The following SLIT3 variants were observed in gnomAD, a reference collection of about 807,000 sequenced individuals.
SLIT3 encodes the protein slit homolog 3 protein.
Under a neutral mutation model 184.0 loss-of-function variants are expected in SLIT3, and 68 were observed. The ratio of observed to expected loss-of-function variants is 0.37; its 90% CI spans 0.30 to 0.45. The LOEUF (loss-of-function observed/expected upper bound fraction) is 0.45. Among genes scored for constraint, SLIT3 ranks in the 20% least tolerant of loss-of-function variants. The probability of loss-of-function intolerance (pLI) is 1.00; values close to 1 mark genes in which losing one functional copy is unlikely to be tolerated. For missense variants in SLIT3, 1,707 were observed against 2,026.0 expected, an observed-to-expected ratio of 0.84 and a Z score of 3.02; for synonymous variants, 831 against 828.6, an observed-to-expected ratio of 1.00 and a Z score of -0.05.
At chr5:168,958,802 C>A (rs1350335522) in intron 4 of SLIT3, among the ~76,000 whole-genome samples, 1 of 152,246 alleles carries the variant, frequency 6.6e-6, no homozygotes, top group African/African-American at 2.4e-5. Context: ...TACCGACATT[C>A]TTTTCTCCAA....
At chr5:169,295,600 C>T (rs1001880743) in intron 1 of SLIT3, among the ~76,000 whole-genome samples, 2 of 152,234 alleles carry the variant, frequency 1.3e-5, no homozygotes, top group Non-Finnish European at 2.9e-5. Context: ...AACCCACAGT[C>T]GTCTGTCTCC....
chr5:168,712,036 C>A (rs1440950862), intron 24 of SLIT3, among the ~76,000 whole-genome samples: 1 of 152,150 alleles, frequency 6.6e-6, no homozygotes, highest in South Asian at 2.1e-4. Flanking sequence ...AAAGTGTTTA[C>A]CCCATAGTAC....
At chr5:168,688,191 T>C (rs1395073203) in intron 29 of SLIT3, among the ~76,000 whole-genome samples, 1 of 152,238 alleles carries the variant, frequency 6.6e-6, no homozygotes, top group Non-Finnish European at 1.5e-5. Context: ...CTGGCGCTTC[T>C]GCCTTCTGCA....
At chr5:168,787,070 C>A (rs776560233) in intron 11 of SLIT3, among the ~76,000 whole-genome samples, 1 of 152,162 alleles carries the variant, frequency 6.6e-6, no homozygotes, top group South Asian at 2.1e-4. Flanking sequence ...CTTTTCCAGA[C>A]GCCACTGGGA....
intron 4 of SLIT3, among the ~76,000 whole-genome samples, chr5:169,170,400 C>T (rs372535641): frequency 2.0e-5 from 3 of 152,156 alleles, no homozygotes; most frequent in East Asian, 1.9e-4. Context: ...TCCTGAGGAG[C>T]GAGGAAGAGT....
At chr5:169,281,743 T>C (rs968592336) in intron 1 of SLIT3, among the ~76,000 whole-genome samples, 4 of 152,206 alleles carry the variant, frequency 2.6e-5, no homozygotes, top group Admixed American at 2.6e-4. Context: ...CTCTGCTCCA[T>C]GGACATCTGC....
chr5:168,840,861 A>C (rs2113706615), intron 6 of SLIT3, among the ~76,000 whole-genome samples: 1 of 152,332 alleles, frequency 6.6e-6, no homozygotes, highest in East Asian at 1.9e-4. Context: ...AGTCTATGGC[A>C]ATGGCCACGA....
At chr5:168,691,763 G>A (rs1051458216) in intron 29 of SLIT3, among the ~76,000 whole-genome samples, 2 of 152,232 alleles carry the variant, frequency 1.3e-5, no homozygotes, top group Non-Finnish European at 2.9e-5. Context: ...GCAGCTGGGT[G>A]TAGAAGGCAG....
At chr5:169,120,594 G>T (rs34846302) in intron 4 of SLIT3, among the ~76,000 whole-genome samples, 29,158 of 152,136 alleles carry the variant, frequency 0.19, 3,440 homozygotes, top group Middle Eastern at 0.29. Flanking sequence ...CAGACCTATG[G>T]AACTGTAAGA....
At chr5:168,772,251 G>A (rs1755579424) in intron 14 of SLIT3, 1 of 112,628 alleles carries the variant, frequency 8.9e-6, no homozygotes, top group Non-Finnish European at 1.8e-5. Context: ...GGATGGAGGA[G>A]CTAAGCTAGT....
Position 168,666,466 on chromosome 5 carries a change from G to C in SLIT3, c.4560C>G (p.Leu1520=), listed in dbSNP as rs778200381. ...EVERHLECGC[L]ACS is the part of the protein sequence containing the mutation. Reference sequence around the variant, plus strand: ...GGCGGGCAGGGGCTTAGGAACACGCGAGGCAGCCGCACTCTAAGTGTCTCT... The same window carrying C: ...GGCGGGCAGGGGCTTAGGAACACGCCAGGCAGCCGCACTCTAAGTGTCTCT... Residue 1520 remains leucine, a synonymous_variant, in exon 36 of 36, where the codon CTC becomes CTG. Coordinates refer to ENST00000519560, the MANE Select transcript of SLIT3 (RefSeq NM_003062.4). 10 of 1,573,308 alleles carry C rather than the reference G, an allele frequency of 6.4e-6. No individual in the cohort carries two copies. The highest frequency in any genetic ancestry group is 8.6e-6 in the Non-Finnish European group (10 of 1,156,088).
chr5:169,109,434 G>A (rs926279537), intron 4 of SLIT3, among the ~76,000 whole-genome samples: 9 of 152,202 alleles, frequency 5.9e-5, no homozygotes, highest in Admixed American at 2.0e-4. Flanking sequence ...TGAAAATGCA[G>A]TCCAACCAAC....
At chr5:168,849,977 G>GTT (rs559732773) in intron 5 of SLIT3, among the ~76,000 whole-genome samples, 5 of 150,758 alleles carry the variant, frequency 3.3e-5, no homozygotes, top group African/African-American at 1.2e-4. Flanking sequence ...TTTGAAGGTT[G>GTT]TTTTTTTTTA....
At chr5:169,131,647 C>T (rs1411864318) in intron 4 of SLIT3, among the ~76,000 whole-genome samples, 1 of 152,212 alleles carries the variant, frequency 6.6e-6, no homozygotes, top group Non-Finnish European at 1.5e-5. Flanking sequence ...TTAACACCTA[C>T]TTTTTCAGCT....
intron 4 of SLIT3, among the ~76,000 whole-genome samples, chr5:168,974,341 A>ATTATC (rs758529918): frequency 1.6e-4 from 24 of 152,154 alleles, no homozygotes; most frequent in Non-Finnish European, 2.9e-4. Flanking sequence ...TGTTGACCCC[A>ATTATC]TTATCTTTCC....
At chr5:168,984,448 C>T (rs765770879) in intron 4 of SLIT3, among the ~76,000 whole-genome samples, 9 of 152,178 alleles carry the variant, frequency 5.9e-5, no homozygotes, top group Non-Finnish European at 1.3e-4. Context: ...TGTCAATACC[C>T]TCTCTTTTGG....
At chr5:168,976,246 C>T (rs1754753217) in intron 4 of SLIT3, among the ~76,000 whole-genome samples, 1 of 152,124 alleles carries the variant, frequency 6.6e-6, no homozygotes, top group African/African-American at 2.4e-5. Flanking sequence ...TCCCTGAGTC[C>T]ACTTTCTTGA....
chr5:168,868,767 GAA>G (rs1210835342), intron 5 of SLIT3, among the ~76,000 whole-genome samples: 1 of 92,696 alleles, frequency 1.1e-5, no homozygotes, highest in Non-Finnish European at 2.0e-5. Flanking sequence ...AAAAAAAAAA[GAA>G]AAAGAAAAAG....
intron 4 of SLIT3, among the ~76,000 whole-genome samples, chr5:169,079,203 G>T (rs941003491): frequency 6.6e-6 from 1 of 152,066 alleles, no homozygotes; most frequent in East Asian, 1.9e-4. Context: ...ATGCTTTAAG[G>T]AGCCCCAAGT....
Sources: gnomAD v4.1 joint callset for allele counts (sites outside exome capture counted in the v4.1 genomes callset) on GRCh38, gnomAD v4.1.1 for gene constraint, MANE v1.5 for transcripts, NCBI Gene and HGNC (gene_info 2026-07-23, HGNC 2026-07-21) for gene names.